RMDN2: variants seen among roughly 807,000 people sequenced by gnomAD.
RMDN2 encodes regulator of microtubule dynamics 2.
A neutral mutation model predicts 52.8 loss-of-function variants in RMDN2; 61 were observed. The observed-to-expected ratio is 1.16, with a 90% confidence interval of 0.94 to 1.43. The LOEUF is 1.43. RMDN2 is among the 40% of genes most tolerant of loss of function. The pLI is 0.00. For missense variants in RMDN2, 592 were observed against 475.3 expected, an observed-to-expected ratio of 1.25 and a Z score of -2.28; for synonymous variants, 180 against 153.1, an observed-to-expected ratio of 1.18 and a Z score of -1.30.
chr2:38,002,087 T>C (rs1309363040), intron 8 of RMDN2, among the ~76,000 whole-genome samples: 2 of 152,228 alleles, frequency 1.3e-5, no homozygotes, highest in Admixed American at 6.5e-5. Flanking sequence ...TTGTCCTCCT[T>C]CTTCTAGAAC....
intron 10 of RMDN2, among the ~76,000 whole-genome samples, chr2:38,011,880 G>A (rs1678047060): frequency 6.6e-6 from 1 of 152,146 alleles, no homozygotes; most frequent in African/African-American, 2.4e-5. Flanking sequence ...ACCACAGATT[G>A]TACCAGCCTC....
Position 38,017,187 on chromosome 2 carries a change from A to T in RMDN2, c.1181A>T (p.Asp394Val), listed in dbSNP as rs1428317933. Residue 394 changes from aspartate (D) to valine (V), a missense_variant and splice_region_variant, in exon 11 of 11, where the codon GAT becomes GTT. Asp to Val is a radical substitution (Grantham distance 152). Coordinates refer to ENST00000354545, the MANE Select transcript of RMDN2 (RefSeq NM_001170791.3). ...ALLLPTVTKE[D>V]KEAQKEMQKI... ...TATGTATTTGTATTTTCTTTATAGGATAAAGAGGCACAGAAAGAGATGCAA... is the reference window on the plus strand; with the variant it reads ...TATGTATTTGTATTTTCTTTATAGGTTAAAGAGGCACAGAAAGAGATGCAA... 6.6e-6 allele frequency: 10 copies of T among 1,521,048 alleles called. No individual in the cohort carries two copies. In the East Asian group the frequency reaches 2.5e-4, roughly 38 times the overall value. The allele number at this position is 1,521,048 out of a possible 1,614,324, so 94.2% of individuals were successfully genotyped here.
intron 2 of RMDN2, among the ~76,000 whole-genome samples, chr2:37,932,378 G>GT (rs1305530238): frequency 2.0e-5 from 3 of 151,718 alleles, no homozygotes; most frequent in Non-Finnish European, 2.9e-5. Context: ...CAGGGTTGGG[G>GT]GTAAGGTCAC....
At chr2:38,066,958 C>A (rs201910901) in intron 10 of RMDN2, 2 of 1,613,512 alleles carry the variant, frequency 1.2e-6, no homozygotes, top group East Asian at 2.2e-5. Flanking sequence ...ATTTTTACTT[C>A]TTTTCCTGTT....
chr2:37,972,514 C>A (rs145306571), intron 2 of RMDN2, among the ~76,000 whole-genome samples: 1 of 152,102 alleles, frequency 6.6e-6, no homozygotes, highest in Admixed American at 6.5e-5. Context: ...TATGTTAGGC[C>A]TTGTAGACCC....
chr2:37,947,871 G>C (rs1243623574), intron 2 of RMDN2, among the ~76,000 whole-genome samples: 1 of 152,102 alleles, frequency 6.6e-6, no homozygotes. Context: ...TCCCAGTCAG[G>C]GTTCTCCCCT....
At chr2:37,972,417 A>C (rs1237498960) in intron 2 of RMDN2, among the ~76,000 whole-genome samples, 1 of 152,160 alleles carries the variant, frequency 6.6e-6, no homozygotes, top group Non-Finnish European at 1.5e-5. Context: ...TGATATGTTC[A>C]AGGAATATCA....
chr2:37,979,418 G>A (rs927059027), intron 4 of RMDN2, among the ~76,000 whole-genome samples: 6 of 152,202 alleles, frequency 3.9e-5, no homozygotes, highest in Non-Finnish European at 5.9e-5. Context: ...CAGACCAGCC[G>A]TGGAAGAACG....
chr2:37,934,921 CT>C (rs1208869696), intron 2 of RMDN2, among the ~76,000 whole-genome samples: 1 of 151,708 alleles, frequency 6.6e-6, no homozygotes, highest in African/African-American at 2.4e-5. Context: ...TTAGAAACAT[CT>C]TTTTAAAGAG....
At chr2:37,953,414 G>C (rs927246318) in intron 2 of RMDN2, among the ~76,000 whole-genome samples, 1 of 151,918 alleles carries the variant, frequency 6.6e-6, no homozygotes, top group East Asian at 1.9e-4. Flanking sequence ...GCTACTCCAA[G>C]TACCTCATAT....
At chr2:37,951,975 G>A in intron 2 of RMDN2, 4 of 1,613,474 alleles carry the variant, frequency 2.5e-6, no homozygotes, top group Non-Finnish European at 3.4e-6. Flanking sequence ...TCCTCGTCCT[G>A]AAAGTTACAG....
At chr2:37,999,778 C>G (rs1676070136) in intron 8 of RMDN2, among the ~76,000 whole-genome samples, 1 of 152,090 alleles carries the variant, frequency 6.6e-6, no homozygotes, top group South Asian at 2.1e-4. Flanking sequence ...AGAGCGTTCA[C>G]AGGGGCCAGG....
At chr2:37,974,353 A>G in intron 3 of RMDN2, 139 bp downstream of exon 3, 1 of 480,748 alleles carries the variant, frequency 2.1e-6, no homozygotes, top group East Asian at 3.7e-5. Context: ...TAAAATGACT[A>G]AAATTTTTTA....
intron 2 of RMDN2, among the ~76,000 whole-genome samples, chr2:37,972,486 C>G (rs1173839129): frequency 6.6e-6 from 1 of 152,076 alleles, no homozygotes; most frequent in East Asian, 1.9e-4. Flanking sequence ...AAGATAAGAC[C>G]AGAGGTATTG....
chr2:37,950,210 C>A, intron 2 of RMDN2: 1 of 360,916 alleles, frequency 2.8e-6, no homozygotes, highest in Non-Finnish European at 5.3e-6. Context: ...GAGAGATGGT[C>A]CAAGGTGAGA....
chr2:38,001,938 T>C (rs1382834345), intron 8 of RMDN2, among the ~76,000 whole-genome samples: 1 of 152,184 alleles, frequency 6.6e-6, no homozygotes, highest in Non-Finnish European at 1.5e-5. Context: ...TCTGGCTTGA[T>C]TGAAATTGAC....
chr2:37,953,053 A>C (rs1669039795), intron 2 of RMDN2: 1 of 151,986 alleles, frequency 6.6e-6, no homozygotes, highest in Non-Finnish European at 1.5e-5. Context: ...AATTTGCATT[A>C]TTTCTAATTA....
chr2:38,017,675 A>C lies in RMDN2; in HGVS notation c.*436A>C, dbSNP rs11901988. On this transcript the variant is annotated 3_prime_UTR_variant, in exon 11 of 11. Transcript: ENST00000354545. ...GTTGGCAGAAGAGGAAAAACAAACA[A>C]ATGTAGTATTGTAACTGGTAATCAA... The C allele has an allele frequency of 0.26, 160,802 of 623,560 alleles. 24,107 individuals carry two copies. Among genetic ancestry groups the C allele is most frequent in the East Asian group, 0.55 (7,210 of 13,088 alleles). The allele number at this position is 623,560 out of a possible 1,614,324, so 38.6% of individuals were successfully genotyped here. A position where few individuals can be genotyped will look rare whatever the true frequency, so the allele number is the denominator to read the frequency against.
intron 2 of RMDN2, among the ~76,000 whole-genome samples, chr2:37,963,445 C>T (rs1408378678): frequency 2.0e-5 from 3 of 151,438 alleles, no homozygotes; most frequent in Non-Finnish European, 4.4e-5. Flanking sequence ...TCTGGGTTTC[C>T]TAGGCAGAGG....
Sources: gnomAD v4.1 joint callset for allele counts (sites outside exome capture counted in the v4.1 genomes callset) on GRCh38, gnomAD v4.1.1 for gene constraint, MANE v1.5 for transcripts, NCBI Gene and HGNC (gene_info 2026-07-23, HGNC 2026-07-21) for gene names.